Variants in AUTS2 observed in about 807,000 individuals in gnomAD.
The protein encoded by AUTS2 is autism susceptibility gene 2 protein.
AUTS2 carries 17 observed loss-of-function variants against 112.4 expected under a neutral mutation model. The observed-to-expected ratio is 0.15, with a 90% CI of 0.10 to 0.23. The LOEUF is 0.23. Among genes scored for constraint, AUTS2 ranks in the 10% least tolerant of loss-of-function variants. The probability of loss-of-function intolerance (pLI) is 1.00; values close to 1 mark genes in which losing one functional copy is unlikely to be tolerated. For missense variants in AUTS2, 1,510 were observed against 1,701.6 expected, an observed-to-expected ratio of 0.89 and a Z score of 1.98; for synonymous variants, 751 against 702.7, an observed-to-expected ratio of 1.07 and a Z score of -1.09.
chr7:70,536,104 G>A (rs998800473), intron 5 of AUTS2, among the ~76,000 whole-genome samples: 1 of 152,152 alleles, frequency 6.6e-6, no homozygotes, highest in Non-Finnish European at 1.5e-5. Context: ...AAGGTGGGTG[G>A]ATCACTTGAG....
intron 4 of AUTS2, among the ~76,000 whole-genome samples, chr7:70,212,622 A>T (rs1442313175): frequency 1.3e-5 from 2 of 152,216 alleles, no homozygotes; most frequent in African/African-American, 4.8e-5. Flanking sequence ...GCATTAAAAA[A>T]AAATCTCTGG....
chr7:70,789,733 C>G lies in AUTS2; in HGVS notation c.2532-15C>G, dbSNP rs774693959. On this transcript the variant is annotated splice_polypyrimidine_tract_variant and intron_variant, in intron 18 of 18. Coordinates refer to ENST00000342771, the MANE Select transcript of AUTS2 (RefSeq NM_015570.4). ...TCATTTCATCTGCGTCCTTGTCTTC[C>G]CCTCTCTCCCCCAGGGAAAGCGTCG... The G allele has an allele frequency of 1.2e-6, 2 of 1,603,464 alleles. No individual in the cohort carries two copies. Among genetic ancestry groups the G allele is most frequent in the South Asian group, 2.2e-5 (2 of 89,910 alleles).
chr7:70,032,915 A>G (rs547809834), intron 2 of AUTS2, among the ~76,000 whole-genome samples: 1 of 152,308 alleles, frequency 6.6e-6, no homozygotes, highest in African/African-American at 2.4e-5. Flanking sequence ...GCTAAGTGAA[A>G]GAAAAGTCAT....
chr7:70,277,961 T>TAC (rs1788015619), intron 4 of AUTS2, among the ~76,000 whole-genome samples: 3 of 74,678 alleles, frequency 4.0e-5, no homozygotes, highest in Non-Finnish European at 7.5e-5. Context: ...TGTATGTATG[T>TAC]GTGTGTGTGT....
At chr7:70,042,186 CA>C (rs113743365) in intron 2 of AUTS2, among the ~76,000 whole-genome samples, 43 of 148,062 alleles carry the variant, frequency 2.9e-4, no homozygotes, top group South Asian at 4.3e-4. Flanking sequence ...ACCCACCCCC[CA>C]AAAAAAAATT....
At chr7:70,781,942 C>A in intron 15 of AUTS2, 186 bp downstream of exon 15, 1 of 669,496 alleles carries the variant, frequency 1.5e-6, no homozygotes. Flanking sequence ...CACTCTCTTT[C>A]ATTAAAGGAG....
At chr7:70,785,848 G>A in intron 16 of AUTS2, 107 bp from the exon 17 acceptor site, 1 of 990,030 alleles carries the variant, frequency 1.0e-6, no homozygotes, top group East Asian at 2.5e-5. Flanking sequence ...GGCCAGGTGG[G>A]GGCGTAGAGA....
intron 1 of AUTS2, among the ~76,000 whole-genome samples, chr7:69,788,392 C>T (rs978466523): frequency 6.6e-6 from 1 of 152,034 alleles, no homozygotes; most frequent in African/African-American, 2.4e-5. Flanking sequence ...GAGTAGCAGG[C>T]TTGGGGGAAA....
At chr7:70,615,378 C>G (rs1233076678) in intron 5 of AUTS2, among the ~76,000 whole-genome samples, 1 of 152,158 alleles carries the variant, frequency 6.6e-6, no homozygotes, top group Non-Finnish European at 1.5e-5. Context: ...CCAGATACAA[C>G]TTCTGTCGAA....
intron 5 of AUTS2, among the ~76,000 whole-genome samples, chr7:70,695,674 TAA>T (rs1292214941): frequency 6.6e-6 from 1 of 152,212 alleles, no homozygotes; most frequent in African/African-American, 2.4e-5. Context: ...CGGCTTTTTA[TAA>T]GTTTTCCTTA....
intron 5 of AUTS2, among the ~76,000 whole-genome samples, chr7:70,492,039 A>G (rs3113281): frequency 0.53 from 81,095 of 151,934 alleles, 22,804 homozygotes; most frequent in African/African-American, 0.7. Context: ...TGTGTTCCTC[A>G]GGCTGACCAC....
chr7:69,993,449 T>G (rs2129551771), intron 2 of AUTS2, among the ~76,000 whole-genome samples: 1 of 152,044 alleles, frequency 6.6e-6, no homozygotes, highest in South Asian at 2.1e-4. Context: ...CAATAATGGG[T>G]TTTTGAATAT....
chr7:70,666,286 C>T (rs1406690905), intron 5 of AUTS2, among the ~76,000 whole-genome samples: 3 of 152,200 alleles, frequency 2.0e-5, no homozygotes, highest in Non-Finnish European at 4.4e-5. Context: ...CTTGGAACAG[C>T]ATCCAGCACG....
At chr7:70,303,769 G>C (rs1382199857) in intron 4 of AUTS2, among the ~76,000 whole-genome samples, 1 of 151,994 alleles carries the variant, frequency 6.6e-6, no homozygotes, top group Non-Finnish European at 1.5e-5. Context: ...GGGTTTTACT[G>C]GTGCCCTGAC....
At chr7:70,670,008 A>C (rs1194640274) in intron 5 of AUTS2, among the ~76,000 whole-genome samples, 1 of 152,196 alleles carries the variant, frequency 6.6e-6, no homozygotes, top group African/African-American at 2.4e-5. Context: ...TTTACTCTTC[A>C]ACAAAACAGA....
At chr7:70,117,881 T>C (rs1805465285) in intron 2 of AUTS2, among the ~76,000 whole-genome samples, 1 of 152,094 alleles carries the variant, frequency 6.6e-6, no homozygotes, top group Admixed American at 6.6e-5. Flanking sequence ...CCTGAGTAGC[T>C]GGGATTACAG....
intron 1 of AUTS2, among the ~76,000 whole-genome samples, chr7:69,833,827 A>T (rs1791604240): frequency 6.6e-6 from 1 of 152,198 alleles, no homozygotes; most frequent in South Asian, 2.1e-4. Flanking sequence ...TAAGTGTATT[A>T]CATTCTACAA....
chr7:70,389,429 G>A (rs1793752161), intron 4 of AUTS2, among the ~76,000 whole-genome samples: 1 of 152,174 alleles, frequency 6.6e-6, no homozygotes, highest in Non-Finnish European at 1.5e-5. Context: ...CCAGAAACCT[G>A]TCTGGTATTA....
At chr7:70,705,721 A>G (rs1202381479) in intron 6 of AUTS2, among the ~76,000 whole-genome samples, 2 of 152,102 alleles carry the variant, frequency 1.3e-5, no homozygotes, top group Non-Finnish European at 2.9e-5. Context: ...GCCTGATTGT[A>G]TGAAGTGGCC....
Sources: gnomAD v4.1 joint callset for allele counts (sites outside exome capture counted in the v4.1 genomes callset) on GRCh38, gnomAD v4.1.1 for gene constraint, MANE v1.5 for transcripts, NCBI Gene and HGNC (gene_info 2026-07-23, HGNC 2026-07-21) for gene names.